The following CENPE variants were observed in gnomAD, a reference collection of about 807,000 sequenced individuals.
The protein encoded by CENPE is centromere-associated protein E.
CENPE carries 145 observed loss-of-function variants against 336.1 expected under a neutral mutation model. That is an observed-to-expected ratio of 0.43 (90% CI 0.38 to 0.50). The LOEUF (loss-of-function observed/expected upper bound fraction) is 0.50. CENPE is among the 20% of genes least tolerant of loss of function. CENPE has a pLI of 0.00. For synonymous variants in CENPE, 1,013 were observed against 984.8 expected, an observed-to-expected ratio of 1.03 and a Z score of -0.54; for missense variants, 2,719 against 3,023.3, an observed-to-expected ratio of 0.90 and a Z score of 2.36.
chr4:103,193,075 G>A (rs1237203466), intron 8 of CENPE, among the ~76,000 whole-genome samples: 2 of 152,062 alleles, frequency 1.3e-5, no homozygotes, highest in African/African-American at 4.8e-5. Flanking sequence ...ACTCTTTAGA[G>A]ACTTCTTTCC....
At chr4:103,146,273 T>C (rs547116570) in intron 29 of CENPE, among the ~76,000 whole-genome samples, 166 bp from the exon 30 acceptor site, 4 of 152,326 alleles carry the variant, frequency 2.6e-5, no homozygotes, top group Admixed American at 2.6e-4. Flanking sequence ...TTTAATGCTT[T>C]TTAAAAATTG....
chr4:103,150,411 G>A (rs1427213162), intron 26 of CENPE, among the ~76,000 whole-genome samples: 2 of 152,058 alleles, frequency 1.3e-5, no homozygotes, highest in Admixed American at 6.5e-5. Context: ...GTGAGACCTC[G>A]TTTCTACCAA....
At chr4:103,157,604 C>T (rs549986773) in intron 24 of CENPE, among the ~76,000 whole-genome samples, 121 of 151,894 alleles carry the variant, frequency 8.0e-4, no homozygotes, top group African/African-American at 2.7e-3. Flanking sequence ...AGCTGTTGCT[C>T]AATGGGTATA....
rs1389894411 is a variant in CENPE, at chr4:103,198,293, G to A, written c.27C>T (p.Val9=). The A allele has an allele frequency of 6.4e-7, 1 of 1,550,942 alleles. No homozygotes were observed. The highest frequency in any genetic ancestry group is 1.2e-5 in the South Asian group (1 of 84,058). Residue 9 remains valine (V), a synonymous_variant, in exon 1 of 49, where the codon GTC becomes GTT. Coordinates refer to ENST00000265148, the MANE Select transcript of CENPE (RefSeq NM_001813.3). The stretch of plus-strand genomic sequence containing the variant: ...TGTTCAGCGGCCGCACTCGCACGCA[G>A]ACGGCCACGGCTCCTTCCTCCGCCA... MAEEGAVA[V]CVRVRPLNSR...
intron 48 of CENPE, 124 bp downstream of exon 48, chr4:103,108,679 G>T: frequency 1.1e-6 from 1 of 882,510 alleles, no homozygotes; most frequent in Non-Finnish European, 1.7e-6. Flanking sequence ...AGCAAATGAA[G>T]CCTGTCATTG....
chr4:103,192,739 T>C (rs1757460537), intron 8 of CENPE, among the ~76,000 whole-genome samples: 1 of 152,160 alleles, frequency 6.6e-6, no homozygotes, highest in South Asian at 2.1e-4. Flanking sequence ...AGTTTCGTTT[T>C]AGACATATTA....
At chr4:103,120,501 C>G (rs1213430983) in intron 43 of CENPE, among the ~76,000 whole-genome samples, 168 bp from the exon 44 acceptor site, 1 of 152,150 alleles carries the variant, frequency 6.6e-6, no homozygotes, top group Non-Finnish European at 1.5e-5. Context: ...CATGTTATTT[C>G]CCTCATTTAG....
At chr4:103,141,368 A>G (rs1294205621) in intron 35 of CENPE, among the ~76,000 whole-genome samples, 5 of 152,176 alleles carry the variant, frequency 3.3e-5, no homozygotes, top group African/African-American at 1.2e-4. Flanking sequence ...AGCACTTCAT[A>G]AAGTTTCTGT....
chr4:103,147,384 T>G lies in CENPE; in HGVS notation c.4106A>C (p.Lys1369Thr). 1 of 1,608,884 alleles carries G rather than the reference T, an allele frequency of 6.2e-7. No individual in the cohort carries two copies. Among genetic ancestry groups the G allele is most frequent in the Non-Finnish European group, 8.5e-7 (1 of 1,179,038 alleles). Residue 1369 changes from lysine (K) to threonine (T), a missense_variant, in exon 29 of 49, where the codon AAA (lysine) becomes ACA (threonine). Transcript: ENST00000265148. The part of the protein sequence containing the change: ...EALEVKHDQL[K>T]EHIRETLAKI... ...AGCCAAAGTTTCTCTAATATGTTCT[T>G]TCAGCTGGTCATGTTTAACTTCAAG...
At chr4:103,109,618 C>T (rs533905132) in intron 47 of CENPE, among the ~76,000 whole-genome samples, 1 of 152,140 alleles carries the variant, frequency 6.6e-6, no homozygotes, top group African/African-American at 2.4e-5. Flanking sequence ...TTTAAGTCAT[C>T]CAAGTCTCTT....
At chr4:103,181,233 G>T (rs1756302133) in intron 12 of CENPE, 104 bp downstream of exon 12, 2 of 754,476 alleles carry the variant, frequency 2.7e-6, no homozygotes, top group Non-Finnish European at 3.8e-6. Flanking sequence ...AACCTAAGTT[G>T]TAGCAACTCA....
At chr4:103,106,945 G>T (rs1748952571) in intron 48 of CENPE, among the ~76,000 whole-genome samples, 1 of 152,046 alleles carries the variant, frequency 6.6e-6, no homozygotes, top group Admixed American at 6.6e-5. Flanking sequence ...TTTGATTTAT[G>T]TATTCTTCTA....
Position 103,145,610 on chromosome 4 carries a change from C to T in CENPE, c.4485G>A (p.Glu1495=), listed in dbSNP as rs146172053. The T allele has an allele frequency of 3.7e-6, 6 of 1,610,410 alleles. No individual in the cohort carries two copies. The highest frequency in any genetic ancestry group is 5.1e-6 in the Non-Finnish European group (6 of 1,178,102). The change falls in exon 31 of 49, where the codon GAG becomes GAA. Residue 1495 remains glutamate, a synonymous_variant. Transcript: ENST00000265148. ...CCTTCTCTGAAAGATTCACTCTTAACTCATTAATAGTTTCCTCTTGTTCTT... is the reference window on the plus strand; with the variant it reads ...CCTTCTCTGAAAGATTCACTCTTAATTCATTAATAGTTTCCTCTTGTTCTT... ...CLKEQEETIN[E]LRVNLSEKET...
intron 8 of CENPE, among the ~76,000 whole-genome samples, chr4:103,190,511 T>C (rs1225003682): frequency 6.6e-6 from 1 of 152,206 alleles, no homozygotes; most frequent in African/African-American, 2.4e-5. Context: ...TATCTGATCT[T>C]TGACAAACCT....
chr4:103,142,108 C>A (rs1313724092), intron 34 of CENPE, among the ~76,000 whole-genome samples, 200 bp from the exon 35 acceptor site: 1 of 152,158 alleles, frequency 6.6e-6, no homozygotes, highest in Non-Finnish European at 1.5e-5. Context: ...ACACATTACA[C>A]ATATATTACT....
intron 13 of CENPE, among the ~76,000 whole-genome samples, chr4:103,179,977 A>G (rs1275407071): frequency 6.6e-6 from 1 of 152,240 alleles, no homozygotes; most frequent in Non-Finnish European, 1.5e-5. Context: ...TTTTCCTGAG[A>G]TTAATATTTC....
Position 103,136,199 on chromosome 4 carries a change from A to C in CENPE, c.6464T>G (p.Leu2155Arg). 3.7e-6 allele frequency: 6 copies of C among 1,613,880 alleles called. No homozygotes were observed. The highest frequency in any genetic ancestry group is 5.1e-6 in the Non-Finnish European group (6 of 1,179,870). The change falls in exon 40 of 49, where the codon CTT becomes CGT. Residue 2155 changes from leucine (L) to arginine (R), a missense_variant. Leu to Arg is a moderately radical substitution (Grantham distance 102, BLOSUM62 -2). Transcript: ENST00000265148. ...GGAGCATCTCTGGTTTGCAGTAAAAAGTTTTTCAATGTGTTTGGTTTGTAA... is the reference window on the plus strand; with the variant it reads ...GGAGCATCTCTGGTTTGCAGTAAAACGTTTTTCAATGTGTTTGGTTTGTAA... ...PYLQTKHIEKLFTANQRCSME... is the reference protein window; with the variant it reads ...PYLQTKHIEKRFTANQRCSME...
At chr4:103,132,960 T>TTA (rs56951110) in intron 41 of CENPE, 64 bp from the exon 42 acceptor site, 11,012 of 146,908 alleles carry the variant, frequency 0.075, 616 homozygotes, top group African/African-American at 0.12. Context: ...AATATTTTAT[T>TTA]TATATATATA....
intron 16 of CENPE, among the ~76,000 whole-genome samples, chr4:103,170,230 C>A (rs1046404612): frequency 2.0e-5 from 3 of 151,956 alleles, no homozygotes; most frequent in Non-Finnish European, 4.4e-5. Flanking sequence ...ACATGTATAC[C>A]TATGTAACAA....
Sources: gnomAD v4.1 joint callset for allele counts (sites outside exome capture counted in the v4.1 genomes callset) on GRCh38, gnomAD v4.1.1 for gene constraint, MANE v1.5 for transcripts, NCBI Gene and HGNC (gene_info 2026-07-23, HGNC 2026-07-21) for gene names.